The following PCNX3 variants were observed in gnomAD, a reference collection of about 807,000 sequenced individuals.
PCNX3 encodes the protein pecanex-like protein 3.
A neutral mutation model predicts 207.2 loss-of-function variants in PCNX3; 58 were observed. The observed-to-expected ratio is 0.28, with a 90% CI of 0.23 to 0.35. The LOEUF (loss-of-function observed/expected upper bound fraction) is 0.35. PCNX3 is among the 10% of genes least tolerant of loss of function. The pLI, the probability that PCNX3 is intolerant of heterozygous loss-of-function variation, is 1.00. For missense variants in PCNX3, 2,410 were observed against 2,774.4 expected, an observed-to-expected ratio of 0.87 and a Z score of 2.95; for synonymous variants, 1,337 against 1,183.5, an observed-to-expected ratio of 1.13 and a Z score of -2.66.
Position 65,625,188 on chromosome 11 carries a change from G to A in PCNX3, c.2937G>A (p.Gln979=), listed in dbSNP as rs748500885. 1 of 1,609,030 alleles carries A rather than the reference G, an allele frequency of 6.2e-7. No homozygotes were observed. The highest frequency in any genetic ancestry group is 8.5e-7 in the Non-Finnish European group (1 of 1,179,052). ...CTCCGCAGACTCCGTGGCCAGAGCA[G>A]CACGTCCCTGTCCTCTTCTCAGTCT... The part of the protein sequence containing the change: ...LGAIKTPWPE[Q]HVPVLFSVFC... The change falls in exon 17 of 35, where the codon CAG becomes CAA. Residue 979 remains glutamine (Q), a synonymous_variant. Coordinates refer to ENST00000355703, the MANE Select transcript of PCNX3 (RefSeq NM_032223.4). The surrounding 1 kb of genome is among the most constrained non-coding windows in gnomAD (Gnocchi z 5.6).
chr11:65,630,755 C>T (rs1855586384), intron 27 of PCNX3, among the ~76,000 whole-genome samples, 151 bp downstream of exon 27: 1 of 152,176 alleles, frequency 6.6e-6, no homozygotes, highest in African/African-American at 2.4e-5. Context: ...CCCTGAGGTG[C>T]CACTGCCAGA....
At position 65,636,935 on chromosome 11, in the gene PCNX3, G is replaced by T. The variant is rs371007942; in HGVS notation, c.6062G>T (p.Arg2021Leu). 1.9e-6 allele frequency: 3 copies of T among 1,565,022 alleles called. No homozygotes were observed. Among genetic ancestry groups the T allele is most frequent in the Admixed American group, 1.9e-5 (1 of 52,836 alleles). ...GACTGGCCTGCCCCTATTGAGGAGC[G>T]TGAGAGCCCGGCAGCCCAGCCCCTG... ...LGDWPAPIEE[R>L]ESPAAQPLLE... The change falls in exon 35 of 35, where the codon CGT (arginine) becomes CTT (leucine). Residue 2021 changes from arginine (R) to leucine (L), a missense_variant. By Grantham distance (102) the Arg-to-Leu change is moderately radical (BLOSUM62 -2). Coordinates refer to ENST00000355703, the MANE Select transcript of PCNX3 (RefSeq NM_032223.4).
chr11:65,636,066 G>C, intron 32 of PCNX3, 108 bp from the exon 33 acceptor site: 1 of 1,469,834 alleles, frequency 6.8e-7, no homozygotes, highest in Admixed American at 2.0e-5. Context: ...AGGATCCTGG[G>C]GCTCAGAGGT....
chr11:65,632,472 C>T (rs975617114), intron 27 of PCNX3, among the ~76,000 whole-genome samples: 1 of 146,520 alleles, frequency 6.8e-6, no homozygotes, highest in South Asian at 2.5e-4. Flanking sequence ...AGACCTGCTT[C>T]TGCAGCTGGG....
intron 27 of PCNX3, among the ~76,000 whole-genome samples, chr11:65,631,790 G>A (rs749991273): frequency 6.6e-6 from 1 of 152,060 alleles, no homozygotes; most frequent in African/African-American, 2.4e-5. Context: ...TGTTGGGCTC[G>A]GTGGGTGGCC....
rs757953791 is a variant in PCNX3, at chr11:65,616,323, G to A, written c.12G>A (p.Gln4=). 3 of 1,591,908 alleles carry A rather than the reference G, an allele frequency of 1.9e-6. No homozygotes were observed. Among genetic ancestry groups the A allele is most frequent in the Non-Finnish European group, 1.7e-6 (2 of 1,172,828 alleles). MGS[Q]VLQILRQGVW... is the part of the protein sequence containing the mutation. ...GCAGCGGCGGGGCCATGGGGTCGCA[G>A]GTGTTGCAGATCCTGCGCCAGGGGG... Residue 4 remains glutamine, a synonymous_variant, in exon 1 of 35, where the codon CAG becomes CAA. Coordinates refer to ENST00000355703, the MANE Select transcript of PCNX3 (RefSeq NM_032223.4).
chr11:65,625,168 C>T lies in PCNX3; in HGVS notation c.2920-3C>T. The T allele has an allele frequency of 1.2e-6, 2 of 1,602,846 alleles. No homozygotes were observed. Among genetic ancestry groups the T allele is most frequent in the South Asian group, 1.1e-5 (1 of 90,688 alleles). On this transcript the variant is annotated splice_polypyrimidine_tract_variant and splice_region_variant and intron_variant, in intron 16 of 34. Transcript: ENST00000355703. The surrounding 1 kb of genome is among the most constrained non-coding windows in gnomAD (Gnocchi z 5.6). Reference sequence around the variant, plus strand: ...CCCTGACCAGCATGGATTCTCTCCGCAGACTCCGTGGCCAGAGCAGCACGT... The same window carrying T: ...CCCTGACCAGCATGGATTCTCTCCGTAGACTCCGTGGCCAGAGCAGCACGT...
In PCNX3 at chr11:65,616,262, G is replaced by GC; in HGVS notation, c.-45dup. ...CCAGACGGGGCATGGGCCGGGGGCCGCCCCCATGAGGGTCCCGGGAGGGGG... is the reference window on the plus strand; with the variant it reads ...CCAGACGGGGCATGGGCCGGGGGCCGCCCCCCATGAGGGTCCCGGGAGGGGG... On this transcript the variant is annotated 5_prime_UTR_variant, in exon 1 of 35. An upstream open reading frame in the 5' UTR loses its in-frame stop. Coordinates refer to ENST00000355703, the MANE Select transcript of PCNX3 (RefSeq NM_032223.4). The GC allele has an allele frequency of 6.9e-7, 1 of 1,450,754 alleles. No individual in the cohort carries two copies. The highest frequency in any genetic ancestry group is 9.1e-7 in the Non-Finnish European group (1 of 1,096,898). The allele number at this position is 1,450,754 out of a possible 1,614,324, so 89.9% of individuals were successfully genotyped here. A position where few individuals can be genotyped will look rare whatever the true frequency, so the allele number is the denominator to read the frequency against.
In PCNX3 at chr11:65,634,105, C is replaced by T. The variant is rs374223315; in HGVS notation, c.4471-21C>T. ...GGCCAGGGCCGGGACCCCGGCCTGA[C>T]GCCTGCCCCTCCTCTCCCAGAGCAT... On this transcript the variant is annotated intron_variant, in intron 27 of 34. Transcript: ENST00000355703. 52 of 1,599,700 alleles carry T rather than the reference C, an allele frequency of 3.3e-5. 1 individual carries two copies. The Middle Eastern group carries it at 9.9e-4, about 31-fold the overall frequency.
At chr11:65,623,843 C>T (rs1855237957) in intron 12 of PCNX3, 86 bp from the exon 13 acceptor site, 2 of 1,590,580 alleles carry the variant, frequency 1.3e-6, no homozygotes, top group Admixed American at 3.3e-5. Flanking sequence ...TCATAACTGC[C>T]TAGTGGTGGA....
At chr11:65,632,980 A>C (rs1855675938) in intron 27 of PCNX3, among the ~76,000 whole-genome samples, 1 of 151,946 alleles carries the variant, frequency 6.6e-6, no homozygotes, top group Admixed American at 6.6e-5. Context: ...CCTGGGTTCA[A>C]GCGATCCTCC....
chr11:65,628,182 C>T (rs952287352), intron 22 of PCNX3, among the ~76,000 whole-genome samples: 5 of 152,158 alleles, frequency 3.3e-5, no homozygotes, highest in Non-Finnish European at 5.9e-5. Flanking sequence ...ATCCACACTG[C>T]GTACCCTCTG....
In PCNX3 at chr11:65,619,937, G is replaced by A; in HGVS notation, c.2008+5G>A. 1 of 1,594,004 alleles carries A rather than the reference G, an allele frequency of 6.3e-7. No individual in the cohort carries two copies. Among genetic ancestry groups the A allele is most frequent in the Non-Finnish European group, 8.6e-7 (1 of 1,166,724 alleles). ...ACTATTTCTACGATGAGAGCGGTGA[G>A]CCTTTCCCAAGCCCGGTGGCCCAGT... On this transcript the variant is annotated splice_donor_5th_base_variant and intron_variant, in intron 8 of 34. Coordinates refer to ENST00000355703, the MANE Select transcript of PCNX3 (RefSeq NM_032223.4).
intron 8 of PCNX3, 102 bp from the exon 9 acceptor site, chr11:65,620,237 G>A: frequency 8.1e-7 from 1 of 1,234,376 alleles, no homozygotes; most frequent in Non-Finnish European, 1.1e-6. Flanking sequence ...AGAGGACACA[G>A]CACAAGGTTC....
intron 6 of PCNX3, 98 bp downstream of exon 6, chr11:65,619,165 C>T (rs1854931151): frequency 9.8e-7 from 1 of 1,025,452 alleles, no homozygotes; most frequent in South Asian, 1.5e-5. Context: ...AGTGTCAGCT[C>T]AGCCTCGGTT....
Position 65,618,596 on chromosome 11 carries a change from C to T in PCNX3, c.1234C>T (p.Leu412=), listed in dbSNP as rs1466724768. ...SPPGRAPRRP[L]LEGGGFFEDE... ...ACCTGGCCGTGCCCCTCGACGGCCC[C>T]TGCTTGAAGGTGGGGGCTTCTTTGA... is the stretch of plus-strand genomic sequence containing the variant. Residue 412 remains leucine (L), a synonymous_variant, in exon 6 of 35, where the codon CTG becomes TTG. Transcript: ENST00000355703. 4 of 1,612,242 alleles carry T rather than the reference C, an allele frequency of 2.5e-6. No homozygotes were observed. Among genetic ancestry groups the T allele is most frequent in the African/African-American group, 2.7e-5 (2 of 74,928 alleles).
chr11:65,635,090 T>A lies in PCNX3; in HGVS notation c.4923T>A (p.Pro1641=), dbSNP rs1036509428. Residue 1641 remains proline, a synonymous_variant, in exon 30 of 35, where the codon CCT becomes CCA. Transcript: ENST00000355703. This position sits in a 1 kb window ranked among gnomAD's most constrained non-coding sequence, Gnocchi z 9.9. ...DMDLLHRVVA[P]GVRMALKLHQ... ...ACCTGCTTCACCGCGTTGTGGCGCC[T>A]GGGGTTCGCATGGCCCTCAAGCTTC... The A allele has an allele frequency of 2.5e-6, 4 of 1,613,620 alleles. No individual in the cohort carries two copies. In the South Asian group the frequency reaches 3.3e-5, roughly 13 times the overall value.
At chr11:65,619,208 A>AT in intron 6 of PCNX3, 141 bp downstream of exon 6, 1 of 821,738 alleles carries the variant, frequency 1.2e-6, no homozygotes, top group Non-Finnish European at 1.9e-6. Flanking sequence ...CCTGGTGGTG[A>AT]TTGACATTGT....
intron 20 of PCNX3, chr11:65,626,602 C>T (rs1855403746): frequency 4.2e-6 from 2 of 477,322 alleles, no homozygotes; most frequent in African/African-American, 2.0e-5. Context: ...CACGGGCTCA[C>T]TGTGCACTCA....
Sources: gnomAD v4.1 joint callset for allele counts (sites outside exome capture counted in the v4.1 genomes callset) on GRCh38, gnomAD v4.1.1 for gene constraint, Gnocchi (gnomAD v3.1) non-coding constraint, MANE v1.5 for transcripts, NCBI Gene and HGNC (gene_info 2026-07-23, HGNC 2026-07-21) for gene names.